The following NOX4 variants were observed in gnomAD, a reference collection of about 807,000 sequenced individuals.
NOX4 encodes kidney oxidase-1.
In NOX4, 69 loss-of-function variants were observed where a neutral mutation model predicts 87.6. The ratio of observed to expected loss-of-function variants is 0.79; its 90% CI spans 0.65 to 0.96. The LOEUF (loss-of-function observed/expected upper bound fraction) is 0.96. Ranked by LOEUF, NOX4 falls within the 40% of genes least tolerant of loss-of-function variation. The pLI is 0.00. For missense variants in NOX4, 680 were observed against 681.5 expected (o/e 1.00, Z 0.02); for synonymous variants, 275 against 238.2 (o/e 1.15, Z -1.42).
the NOX4 span, among the ~76,000 whole-genome samples, chr11:89,507,620 T>A: frequency 6.6e-6 from 1 of 151,868 alleles, no homozygotes; most frequent in African/African-American, 2.4e-5. Flanking sequence ...ATCTATCCCA[T>A]GGGGCAATTC....
At chr11:89,454,693 C>A (rs1334646211) in intron 2 of NOX4, among the ~76,000 whole-genome samples, 1 of 151,962 alleles carries the variant, frequency 6.6e-6, no homozygotes, top group Non-Finnish European at 1.5e-5. Context: ...AAAAGCAAAG[C>A]AGGAACAACA....
chr11:89,399,812 TGAATTGCAA>T (rs1032686364), intron 11 of NOX4, among the ~76,000 whole-genome samples, 196 bp downstream of exon 11: 3 of 151,890 alleles, frequency 2.0e-5, no homozygotes, highest in African/African-American at 7.3e-5. Context: ...CATTACTTCC[TGAATTGCAA>T]GGTGTCAAAA....
rs761046493 is a variant in NOX4 at position 89,342,069 on chromosome 11, C to T, written c.1337+5G>A. ...GGATTAACAAAATAGATCAAAATGA[C>T]ATACAACAGGGTGTTGAGTATTGAT... On this transcript the variant is annotated splice_donor_5th_base_variant and intron_variant, in intron 14 of 17. Coordinates refer to ENST00000263317, the MANE Select transcript of NOX4 (RefSeq NM_016931.5). 13 of 1,603,692 alleles carry T rather than the reference C, an allele frequency of 8.1e-6. No individual in the cohort carries two copies. Among genetic ancestry groups the T allele is most frequent in the Non-Finnish European group, 1.0e-5 (12 of 1,174,446 alleles).
chr11:89,528,090 A>G, the NOX4 span, among the ~76,000 whole-genome samples: 1 of 152,204 alleles, frequency 6.6e-6, no homozygotes, highest in Admixed American at 6.5e-5. Context: ...ACATGGAGTC[A>G]AAGGACATCA....
At chr11:89,408,210 T>C (rs1023462630) in intron 8 of NOX4, among the ~76,000 whole-genome samples, 1 of 152,194 alleles carries the variant, frequency 6.6e-6, no homozygotes, top group Non-Finnish European at 1.5e-5. Flanking sequence ...AAATAGTGCT[T>C]ATGACTTATA....
the NOX4 span, among the ~76,000 whole-genome samples, chr11:89,555,409 C>T: frequency 2.6e-5 from 4 of 152,026 alleles, no homozygotes; most frequent in South Asian, 2.1e-4. Context: ...CACTTGAACC[C>T]GGGATGTTGA....
At chr11:89,531,421 C>A in the NOX4 span, among the ~76,000 whole-genome samples, 446 of 152,246 alleles carry the variant, frequency 2.9e-3, 1 homozygote, top group African/African-American at 0.01. Context: ...GGTCAACAGT[C>A]CTGAATTTGA....
chr11:89,555,897 T>TATTCA, the NOX4 span, among the ~76,000 whole-genome samples: 1 of 152,176 alleles, frequency 6.6e-6, no homozygotes, highest in Non-Finnish European at 1.5e-5. Flanking sequence ...ATTGTTGGTT[T>TATTCA]ATTCATTCAA....
chr11:89,504,476 G>A, the NOX4 span, among the ~76,000 whole-genome samples: 1 of 151,900 alleles, frequency 6.6e-6, no homozygotes, highest in Non-Finnish European at 1.5e-5. Flanking sequence ...GAGGGTGTGG[G>A]AAAAATAGAA....
intron 2 of NOX4, among the ~76,000 whole-genome samples, chr11:89,474,841 A>G (rs1946096863): frequency 1.3e-5 from 2 of 152,006 alleles, no homozygotes; most frequent in South Asian, 4.1e-4. Context: ...CAATGGATAA[A>G]TAAGCCGTAC....
rs76374125 is a variant in NOX4 at position 89,434,564 on chromosome 11, A to G, written c.476-1708T>C. On this transcript the variant is annotated intron_variant, in intron 6 of 17. Transcript: ENST00000263317. Reference sequence around the variant, plus strand: ...AGCATGAAAAATACACTATTTTGGAAAAATAGCATGCCTGCAAAGTAACCC... The same window carrying G: ...AGCATGAAAAATACACTATTTTGGAGAAATAGCATGCCTGCAAAGTAACCC... Among the ~76,000 whole-genome samples, 1,226 of 152,152 alleles carry G rather than the reference A, an allele frequency of 8.1e-3. 12 individuals carry two copies. Among genetic ancestry groups the G allele is most frequent in the African/African-American group, 0.028 (1,178 of 41,542 alleles).
At chr11:89,581,311 T>TA in the NOX4 span, among the ~76,000 whole-genome samples, 9 of 152,200 alleles carry the variant, frequency 5.9e-5, no homozygotes, top group African/African-American at 2.2e-4. Context: ...TAACAGAACT[T>TA]ACCTTACTGC....
chr11:89,427,107 A>C (rs1943463702), intron 7 of NOX4, among the ~76,000 whole-genome samples: 2 of 152,190 alleles, frequency 1.3e-5, no homozygotes, highest in African/African-American at 4.8e-5. Flanking sequence ...TACCCAGGCA[A>C]ACAGCATCTG....
chr11:89,568,497 A>G, the NOX4 span, among the ~76,000 whole-genome samples: 4 of 152,204 alleles, frequency 2.6e-5, no homozygotes, highest in East Asian at 1.9e-4. Context: ...GATCTCTACA[A>G]TAAGAATTAT....
At chr11:89,416,558 G>A (rs541811695) in intron 8 of NOX4, among the ~76,000 whole-genome samples, 1 of 152,254 alleles carries the variant, frequency 6.6e-6, no homozygotes, top group African/African-American at 2.4e-5. Flanking sequence ...ATAATAGAGG[G>A]AGGTTATTTT....
chr11:89,374,213 A>T (rs1254930872), intron 11 of NOX4, among the ~76,000 whole-genome samples: 2 of 152,192 alleles, frequency 1.3e-5, no homozygotes, highest in Non-Finnish European at 2.9e-5. Flanking sequence ...CAAAATTTGA[A>T]TAATGGTTTT....
At chr11:89,438,844 TATTATATAATATATTATATATTA>T (rs1565293574) in intron 6 of NOX4, among the ~76,000 whole-genome samples, 1 of 36,288 alleles carries the variant, frequency 2.8e-5, no homozygotes, top group East Asian at 1.1e-3. Flanking sequence ...ATATTATATA[TATTATATAATATATTATATATTA>T]TATATATAAT....
At chr11:89,466,671 G>A (rs1945710143) in intron 2 of NOX4, among the ~76,000 whole-genome samples, 1 of 152,164 alleles carries the variant, frequency 6.6e-6, no homozygotes. Flanking sequence ...GGCTGCTTAT[G>A]TTTTAGTAGA....
At chr11:89,572,640 C>T in the NOX4 span, among the ~76,000 whole-genome samples, 1 of 152,156 alleles carries the variant, frequency 6.6e-6, no homozygotes, top group Non-Finnish European at 1.5e-5. Context: ...AGCTCCACCT[C>T]CCGGGTTCAC....
Sources: allele counts gnomAD v4.1 joint callset (sites outside exome capture counted in the v4.1 genomes callset), GRCh38; gene constraint gnomAD v4.1.1; transcripts MANE v1.5; gene names NCBI Gene and HGNC (gene_info 2026-07-23, HGNC 2026-07-21).